The following IGF2R variants were observed in gnomAD, a reference collection of about 807,000 sequenced individuals.
IGF2R encodes cation-independent mannose-6-phosphate receptor.
In IGF2R, 91 loss-of-function variants were observed where a neutral mutation model predicts 270.6. That is an observed-to-expected ratio of 0.34 (90% CI 0.28 to 0.40). IGF2R has a LOEUF of 0.40. Among genes scored for constraint, IGF2R ranks in the 10% least tolerant of loss-of-function variants. The probability of loss-of-function intolerance (pLI) is 1.00; values close to 1 mark genes in which losing one functional copy is unlikely to be tolerated. For missense variants in IGF2R, 2,805 were observed against 3,188.3 expected, an observed-to-expected ratio of 0.88 and a Z score of 2.90; for synonymous variants, 1,316 against 1,258.9, an observed-to-expected ratio of 1.05 and a Z score of -0.96.
intron 36 of IGF2R, among the ~76,000 whole-genome samples, chr6:160,076,880 T>C (rs1486319521): frequency 6.6e-6 from 1 of 152,202 alleles, no homozygotes; most frequent in Admixed American, 6.5e-5. Flanking sequence ...CTAATAAAGA[T>C]GTTGGATTCC....
Position 160,072,866 on chromosome 6 carries a change from A to G in IGF2R, c.4672A>G (p.Asn1558Asp). 1 of 1,613,572 alleles carries G rather than the reference A, an allele frequency of 6.2e-7. No individual in the cohort carries two copies. The highest frequency in any genetic ancestry group is 8.5e-7 in the Non-Finnish European group (1 of 1,179,752). The stretch of plus-strand genomic sequence containing the variant: ...CATGAGCATCTGTGGGGAGAATGAA[A>G]ACTGCCCTCCTGGCGTGGGTGAGTG... ...VYMSICGENE[N>D]CPPGVGACFG... Residue 1558 changes from asparagine to aspartate, a missense_variant, in exon 33 of 48, where the codon AAC becomes GAC. Around this residue, in one of 2 missense-constraint regions of IGF2R, gnomAD observed 1,851 missense variants for 2,207.2 expected, o/e 0.84. Transcript: ENST00000356956.
chr6:160,027,142 C>G (rs970787783), intron 5 of IGF2R, 43 bp from the exon 6 acceptor site: 1 of 1,611,330 alleles, frequency 6.2e-7, no homozygotes, highest in Non-Finnish European at 8.5e-7. Context: ...GTGATTATCA[C>G]TCCTAACACC....
chr6:160,082,550 TC>T (rs1779006959), intron 39 of IGF2R, among the ~76,000 whole-genome samples: 1 of 152,190 alleles, frequency 6.6e-6, no homozygotes, highest in Admixed American at 6.5e-5. Context: ...GACCTCATGA[TC>T]CGCCCACCTC....
At chr6:160,015,037 C>G (rs909631453) in intron 4 of IGF2R, among the ~76,000 whole-genome samples, 1 of 152,132 alleles carries the variant, frequency 6.6e-6, no homozygotes, top group East Asian at 1.9e-4. Flanking sequence ...AGGTGTAGGT[C>G]GTTTGATTCA....
intron 6 of IGF2R, among the ~76,000 whole-genome samples, chr6:160,027,736 C>T (rs1254947183): frequency 6.6e-6 from 1 of 152,172 alleles, no homozygotes; most frequent in Non-Finnish European, 1.5e-5. Context: ...GACCTTGGTT[C>T]CCAGTGGGGA....
chr6:160,108,572 G>A lies in IGF2R; in HGVS notation c.*3488G>A, dbSNP rs530931360. On this transcript the variant is annotated 3_prime_UTR_variant, in exon 48 of 48. Transcript: ENST00000356956. ...CTGAGAAGCCTCAGACTGCCTGCGAGGCTCTCTCTGGGAGGAAGTCAGGTC... is the reference window on the plus strand; with the variant it reads ...CTGAGAAGCCTCAGACTGCCTGCGAAGCTCTCTCTGGGAGGAAGTCAGGTC... 6.6e-6 allele frequency: 1 copy of A among 152,360 alleles called. No homozygotes were observed. The highest frequency in any genetic ancestry group is 2.1e-4 in the South Asian group (1 of 4,824). 9.4% of individuals were successfully genotyped at this position (152,360 alleles called of 1,614,324 possible).
intron 1 of IGF2R, 103 bp from the exon 2 acceptor site, chr6:159,991,081 A>G (rs917815146): frequency 9.3e-6 from 10 of 1,079,598 alleles, no homozygotes; most frequent in Non-Finnish European, 1.3e-5. Flanking sequence ...TGTATTTTCT[A>G]GTTTGTGGCA....
chr6:160,076,993 G>GT (rs1461136537), intron 36 of IGF2R, among the ~76,000 whole-genome samples: 1 of 152,282 alleles, frequency 6.6e-6, no homozygotes, highest in African/African-American at 2.4e-5. Context: ...CCTGGAGCAG[G>GT]TTTGTAAAGG....
intron 23 of IGF2R, 151 bp downstream of exon 23, chr6:160,060,868 A>G (rs900410862): frequency 3.0e-6 from 2 of 676,268 alleles, no homozygotes; most frequent in African/African-American, 3.6e-5. Context: ...TCTGTTATAT[A>G]TTCTCTTTGA....
Position 160,084,224 on chromosome 6 carries a change from A to C in IGF2R, c.6068+40A>C. ...AGTCCACCCGCGGCGCCACACCCTC[A>C]GCATGTGAACTTCAGACTGCTTGAC... On this transcript the variant is annotated intron_variant, in intron 40 of 47. Coordinates refer to ENST00000356956, the MANE Select transcript of IGF2R (RefSeq NM_000876.4). This position sits in a 1 kb window ranked among gnomAD's most constrained non-coding sequence, Gnocchi z 4.6. 2 of 1,242,188 alleles carry C rather than the reference A, an allele frequency of 1.6e-6. No individual in the cohort carries two copies. The highest frequency in any genetic ancestry group is 2.4e-6 in the Non-Finnish European group (2 of 844,288). 76.9% of individuals were successfully genotyped at this position (1,242,188 alleles called of 1,614,324 possible).
chr6:159,977,701 A>G (rs1489852762), intron 1 of IGF2R, among the ~76,000 whole-genome samples: 3 of 152,136 alleles, frequency 2.0e-5, no homozygotes, highest in African/African-American at 7.2e-5. Flanking sequence ...TTTGGAAGTC[A>G]CTTTCCTGGG....
chr6:160,031,437 A>T (rs917420492), intron 7 of IGF2R, among the ~76,000 whole-genome samples: 1 of 151,708 alleles, frequency 6.6e-6, no homozygotes, highest in Admixed American at 6.6e-5. Flanking sequence ...TTGCATTTCC[A>T]TCACCCCAAA....
In IGF2R at chr6:159,991,308, A is replaced by G. The variant is rs143824089; in HGVS notation, c.274A>G (p.Thr92Ala). 6 of 1,611,054 alleles carry G rather than the reference A, an allele frequency of 3.7e-6. No individual in the cohort carries two copies. Among genetic ancestry groups the G allele is most frequent in the Non-Finnish European group, 5.1e-6 (6 of 1,178,976 alleles). The change falls in exon 2 of 48, where the codon ACT becomes GCT. Residue 92 changes from threonine to alanine, a missense_variant. Thr to Ala is a moderately conservative substitution (Grantham distance 58). Transcript: ENST00000356956. ...AVCMHDLKTR[T>A]YHSVGDSVLR... ...TTGTATGCACGACTTGAAGACACGC[A>G]CTTATCATTCAGTGGGTAAGTAGAA...
chr6:160,034,501 T>C lies in IGF2R; in HGVS notation c.1294T>C (p.Phe432Leu). The C allele has an allele frequency of 1.1e-5, 18 of 1,610,150 alleles. No individual in the cohort carries two copies. Among genetic ancestry groups the C allele is most frequent in the Non-Finnish European group, 1.5e-5 (18 of 1,176,498 alleles). Residue 432 changes from phenylalanine (F) to leucine (L), a missense_variant, in exon 10 of 48, where the codon TTT (phenylalanine) becomes CTT (leucine). Around this residue, in one of 2 missense-constraint regions of IGF2R, gnomAD observed 954 missense variants for 981.1 expected, o/e 0.97. Coordinates refer to ENST00000356956, the MANE Select transcript of IGF2R (RefSeq NM_000876.4). Reference sequence around the variant, plus strand: ...GTTTCAGCGGATGAGCGTCATAAACTTTGAGTGCAATAAAACCGCAGGTAA... The same window carrying C: ...GTTTCAGCGGATGAGCGTCATAAACCTTGAGTGCAATAAAACCGCAGGTAA... The part of the protein sequence containing the change: ...SGFQRMSVIN[F>L]ECNKTAGNDG...
chr6:160,071,893 T>C lies in IGF2R; in HGVS notation c.4444-17T>C. On this transcript the variant is annotated splice_polypyrimidine_tract_variant and intron_variant, in intron 31 of 47. Coordinates refer to ENST00000356956, the MANE Select transcript of IGF2R (RefSeq NM_000876.4). ...TTTTGCGTGATCCCTTCAGGACCTG[T>C]CTGTGCTTTGTTGTAGAACTCCAGG... 1 of 1,614,122 alleles carries C rather than the reference T, an allele frequency of 6.2e-7. No individual in the cohort carries two copies. Among genetic ancestry groups the C allele is most frequent in the Non-Finnish European group, 8.5e-7 (1 of 1,179,960 alleles).
rs1211217775 is a variant in IGF2R at position 160,027,191 on chromosome 6, T to C, written c.653T>C (p.Leu218Pro). The C allele has an allele frequency of 6.2e-7, 1 of 1,614,198 alleles. No individual in the cohort carries two copies. Among genetic ancestry groups the C allele is most frequent in the East Asian group, 2.2e-5 (1 of 44,886 alleles). ...FINVCRDIDT[L>P]RDPGSQLRAC... ...TGTAATACATGATTTTCAGACACAC[T>C]ACGAGACCCAGGTTCACAGCTGCGG... Residue 218 changes from leucine (L) to proline (P), a missense_variant, in exon 6 of 48, where the codon CTA becomes CCA. By Grantham distance (98) the Leu-to-Pro change is moderately conservative (BLOSUM62 -3). Around this residue, in one of 2 missense-constraint regions of IGF2R, gnomAD observed 954 missense variants for 981.1 expected, o/e 0.97. Transcript: ENST00000356956.
chr6:160,048,964 A>G (rs1412076844), intron 18 of IGF2R, among the ~76,000 whole-genome samples: 1 of 152,206 alleles, frequency 6.6e-6, no homozygotes, highest in Admixed American at 6.5e-5. Context: ...ACACGCTCTC[A>G]TTCGCTGCAG....
intron 29 of IGF2R, among the ~76,000 whole-genome samples, chr6:160,066,318 T>G (rs1219818408): frequency 6.6e-6 from 1 of 151,188 alleles, no homozygotes; most frequent in East Asian, 1.9e-4. Context: ...CCAGCCTATT[T>G]TTTGTATTTT....
At chr6:160,073,097 T>G in intron 33 of IGF2R, 116 bp from the exon 34 acceptor site, 1 of 1,447,340 alleles carries the variant, frequency 6.9e-7, no homozygotes, top group South Asian at 1.3e-5. Context: ...GATTGGACAC[T>G]TGAAGTTATA....
Sources: gnomAD v4.1 joint callset for allele counts (sites outside exome capture counted in the v4.1 genomes callset) on GRCh38, gnomAD v4.1.1 for gene constraint, gnomAD v4.1.1 regional missense constraint, Gnocchi (gnomAD v3.1) non-coding constraint, MANE v1.5 for transcripts, NCBI Gene and HGNC (gene_info 2026-07-23, HGNC 2026-07-21) for gene names.